The following LINGO2 variants were observed in gnomAD, a reference collection of about 807,000 sequenced individuals.
LINGO2 encodes leucine rich repeat and Ig domain containing 2, also known as leucine-rich repeat and immunoglobulin-like domain-containing nogo receptor-interacting protein 2.
A neutral mutation model predicts 30.6 loss-of-function variants in LINGO2; 14 were observed. The ratio of observed to expected loss-of-function variants is 0.46; its 90% CI spans 0.30 to 0.72. The LOEUF (loss-of-function observed/expected upper bound fraction) is 0.72, where lower values mean the gene tolerates loss of function less well. Among genes scored for constraint, LINGO2 ranks in the 30% least tolerant of loss-of-function variants. LINGO2 has a pLI of 0.07. For missense variants in LINGO2, 729 were observed against 751.7 expected (o/e 0.97, Z 0.35); for synonymous variants, 317 against 288.5 (o/e 1.10, Z -1.00).
intron 4 of LINGO2, among the ~76,000 whole-genome samples, chr9:28,027,547 G>C (rs79472128): frequency 6.6e-6 from 1 of 152,106 alleles, no homozygotes; most frequent in Non-Finnish European, 1.5e-5. Context: ...CATGTAAGGT[G>C]CAAGTCTGTC....
At chr9:28,263,072 C>T (rs962390290) in intron 4 of LINGO2, among the ~76,000 whole-genome samples, 2 of 151,772 alleles carry the variant, frequency 1.3e-5, no homozygotes, top group African/African-American at 4.8e-5. Context: ...AGGTACAACC[C>T]CCTGTTATCT....
At chr9:28,953,724 T>G in the LINGO2 span, among the ~76,000 whole-genome samples, 38 of 152,156 alleles carry the variant, frequency 2.5e-4, no homozygotes, top group Admixed American at 1.4e-3. Flanking sequence ...AGATTTTTAC[T>G]GCTTTTAAAG....
chr9:28,674,819 T>C (rs1286490889), upstream of LINGO2, among the ~76,000 whole-genome samples: 2 of 152,126 alleles, frequency 1.3e-5, no homozygotes, highest in African/African-American at 4.8e-5. Flanking sequence ...CTTGGATGAT[T>C]GCATAAGGCT....
intron 2 of LINGO2, among the ~76,000 whole-genome samples, chr9:28,403,290 G>A (rs1822348479): frequency 6.6e-6 from 1 of 152,118 alleles, no homozygotes; most frequent in Admixed American, 6.5e-5. Flanking sequence ...GGAGATGAAT[G>A]GAGAGGAATC....
At chr9:28,356,791 A>G (rs1018671242) in intron 3 of LINGO2, among the ~76,000 whole-genome samples, 3 of 152,040 alleles carry the variant, frequency 2.0e-5, no homozygotes, top group African/African-American at 4.8e-5. Context: ...CCTTCTATTG[A>G]GCAGAAATCT....
intron 1 of LINGO2, among the ~76,000 whole-genome samples, chr9:28,551,558 G>A (rs1822283699): frequency 6.6e-6 from 1 of 151,998 alleles, no homozygotes; most frequent in Non-Finnish European, 1.5e-5. Flanking sequence ...TGCTTAAAAA[G>A]TTATATAATT....
At chr9:28,433,119 G>A (rs1823748952) in intron 2 of LINGO2, among the ~76,000 whole-genome samples, 1 of 152,078 alleles carries the variant, frequency 6.6e-6, no homozygotes, top group Non-Finnish European at 1.5e-5. Flanking sequence ...AAAAGCAGTG[G>A]ATTATAAAGA....
chr9:29,146,718 A>G, the LINGO2 span, among the ~76,000 whole-genome samples: 4 of 152,306 alleles, frequency 2.6e-5, no homozygotes, highest in South Asian at 2.1e-4. Flanking sequence ...ACATCCTTCA[A>G]TTGTTTTTTG....
rs1339109877 is a variant in LINGO2 at position 28,461,021 on chromosome 9, A to G, written c.-279+14919T>C. On this transcript the variant is annotated intron_variant, in intron 2 of 5. Transcript: ENST00000379992. ...TTGAAGATACAATATAACCCTAAAC[A>G]CTTGGGCATAAATTCATTCTTGTTT... 3.9e-5 allele frequency among the ~76,000 whole-genome samples: 6 copies of G among 152,090 alleles called. No homozygotes were observed. In the East Asian group the frequency reaches 1.2e-3, roughly 29 times the overall value.
At chr9:28,651,188 A>G (rs1828088026) in intron 1 of LINGO2, among the ~76,000 whole-genome samples, 1 of 152,076 alleles carries the variant, frequency 6.6e-6, no homozygotes, top group East Asian at 1.9e-4. Flanking sequence ...GTCTCAAAAA[A>G]AAAAAAAGAA....
At chr9:29,198,635 C>T in the LINGO2 span, among the ~76,000 whole-genome samples, 1 of 152,076 alleles carries the variant, frequency 6.6e-6, no homozygotes, top group Non-Finnish European at 1.5e-5. Flanking sequence ...TTAAGCCATA[C>T]ATACATTGAA....
At chr9:28,582,504 G>A (rs1158138848) in intron 1 of LINGO2, among the ~76,000 whole-genome samples, 1 of 152,008 alleles carries the variant, frequency 6.6e-6, no homozygotes, top group East Asian at 1.9e-4. Context: ...ACCTACCAGT[G>A]ACAGCCACAT....
At chr9:28,627,199 C>G (rs548907440) in intron 1 of LINGO2, among the ~76,000 whole-genome samples, 16 of 151,956 alleles carry the variant, frequency 1.1e-4, no homozygotes, top group Non-Finnish European at 2.1e-4. Context: ...TCTGTACTTT[C>G]TACAAGATGT....
intron 1 of LINGO2, among the ~76,000 whole-genome samples, chr9:28,539,312 C>T (rs1008370129): frequency 6.6e-6 from 1 of 151,836 alleles, no homozygotes; most frequent in African/African-American, 2.4e-5. Context: ...TAGAATAGTA[C>T]CTGGCACATA....
chr9:28,093,501 G>A (rs537730337), intron 4 of LINGO2, among the ~76,000 whole-genome samples: 71 of 152,084 alleles, frequency 4.7e-4, no homozygotes, highest in African/African-American at 1.6e-3. Context: ...GTGGCAATTA[G>A]TATACAGTAA....
chr9:28,023,179 A>T (rs1039891644), intron 4 of LINGO2, among the ~76,000 whole-genome samples: 1 of 152,160 alleles, frequency 6.6e-6, no homozygotes, highest in South Asian at 2.1e-4. Flanking sequence ...TGATGTTTGC[A>T]TTTTGTCTTC....
the LINGO2 span, among the ~76,000 whole-genome samples, chr9:28,685,904 A>G: frequency 6.6e-6 from 1 of 152,058 alleles, no homozygotes; most frequent in African/African-American, 2.4e-5. Context: ...ACTAAAAGTC[A>G]TAACTACAGT....
the LINGO2 span, among the ~76,000 whole-genome samples, chr9:29,120,606 T>C: frequency 6.6e-6 from 1 of 152,214 alleles, no homozygotes; most frequent in Non-Finnish European, 1.5e-5. Context: ...AAATGGATTT[T>C]AGTTAATAAT....
intron 1 of LINGO2, among the ~76,000 whole-genome samples, chr9:28,539,604 G>A (rs1646388786): frequency 6.6e-6 from 1 of 152,112 alleles, no homozygotes; most frequent in South Asian, 2.1e-4. Flanking sequence ...GCTAGACAAT[G>A]TGACTGCTAA....
Sources: allele counts gnomAD v4.1 joint callset (sites outside exome capture counted in the v4.1 genomes callset), GRCh38; gene constraint gnomAD v4.1.1; transcripts MANE v1.5; gene names NCBI Gene and HGNC (gene_info 2026-07-23, HGNC 2026-07-21).